RBFOX1: variants seen among roughly 807,000 people sequenced by gnomAD.
The protein encoded by RBFOX1 is RNA binding protein fox-1 homolog 1.
Under a neutral mutation model 57.7 loss-of-function variants are expected in RBFOX1, and 8 were observed. That is an observed-to-expected ratio of 0.14 (90% CI 0.08 to 0.25). The LOEUF (loss-of-function observed/expected upper bound fraction) is 0.25, where lower values mean the gene tolerates loss of function less well. Among genes scored for constraint, RBFOX1 ranks in the 10% least tolerant of loss-of-function variants. The pLI is 1.00. For missense variants in RBFOX1, 611 were observed against 548.5 expected (o/e 1.11, Z -1.14); for synonymous variants, 326 against 222.4 (o/e 1.47, Z -4.15).
At chr16:7,450,566 C>T (rs942936349) in intron 4 of RBFOX1, among the ~76,000 whole-genome samples, 1 of 152,090 alleles carries the variant, frequency 6.6e-6, no homozygotes, top group African/African-American at 2.4e-5. Context: ...AGGGATGCTG[C>T]GTGAGTGTCT....
chr16:6,124,598 G>A lies in RBFOX1; in HGVS notation c.-127+104606G>A, dbSNP rs142135924. Reference sequence around the variant, plus strand: ...GCTCATTTAAACCTCCACCTCCCAGGTTCAAGCAATCCTCCCACTTCAGCC... The same window carrying A: ...GCTCATTTAAACCTCCACCTCCCAGATTCAAGCAATCCTCCCACTTCAGCC... On this transcript the variant is annotated intron_variant, in intron 1 of 15. Transcript: ENST00000550418. 9.1e-4 allele frequency among the ~76,000 whole-genome samples: 138 copies of A among 152,088 alleles called. 2 individuals carry two copies. The East Asian group carries it at 0.023, about 25-fold the overall frequency.
At chr16:6,085,140 T>A (rs1244101127) in intron 1 of RBFOX1, among the ~76,000 whole-genome samples, 1 of 152,186 alleles carries the variant, frequency 6.6e-6, no homozygotes, top group East Asian at 1.9e-4. Flanking sequence ...TTTCTGCTAC[T>A]GTGCATGTTC....
At chr16:7,334,221 TC>T (rs1351177773) in intron 4 of RBFOX1, among the ~76,000 whole-genome samples, 4 of 152,086 alleles carry the variant, frequency 2.6e-5, no homozygotes, top group Admixed American at 6.5e-5. Context: ...AAACATTCTC[TC>T]TTTCTGGATT....
chr16:6,249,059 G>T (rs1274118468), intron 1 of RBFOX1, among the ~76,000 whole-genome samples: 1 of 152,130 alleles, frequency 6.6e-6, no homozygotes, highest in Non-Finnish European at 1.5e-5. Context: ...TATACATTTT[G>T]AGAATGCTGT....
chr16:6,611,183 G>T (rs141231449), intron 2 of RBFOX1, among the ~76,000 whole-genome samples: 26 of 152,186 alleles, frequency 1.7e-4, no homozygotes, highest in African/African-American at 6.3e-4. Context: ...AAGTCTCTCT[G>T]TCACCCAGGC....
rs4038155 is a variant in RBFOX1 at position 6,122,802 on chromosome 16, ATGTGTG to A, written c.-127+102834_-127+102839del. On this transcript the variant is annotated intron_variant, in intron 1 of 15. Transcript: ENST00000550418. ...ATGATCTGTGTGGCTATGTGTGTGT[ATGTGTG>A]TGTGTGTGTGTGTGTGTGTGTGTAT... 4.6e-4 allele frequency among the ~76,000 whole-genome samples: 68 copies of A among 147,830 alleles called. 1 individual carries two copies. The highest frequency in any genetic ancestry group is 1.4e-3 in the African/African-American group (57 of 39,706).
intron 4 of RBFOX1, among the ~76,000 whole-genome samples, chr16:7,168,957 C>A (rs1487992354): frequency 2.0e-5 from 3 of 152,274 alleles, no homozygotes; most frequent in Middle Eastern, 3.4e-3. Context: ...CTTGGATGAA[C>A]TCCATGGGGA....
intron 2 of RBFOX1, among the ~76,000 whole-genome samples, chr16:6,425,501 G>T (rs1042078685): frequency 5.3e-5 from 8 of 152,146 alleles, no homozygotes; most frequent in Non-Finnish European, 7.3e-5. Context: ...TTGTGTATAA[G>T]GGTCAGTCTT....
At chr16:6,388,045 T>A (rs1015010701) in intron 2 of RBFOX1, among the ~76,000 whole-genome samples, 4 of 142,130 alleles carry the variant, frequency 2.8e-5, no homozygotes, top group Non-Finnish European at 4.5e-5. Context: ...ACTGGAACGA[T>A]TTGAGCTCAC....
intron 6 of RBFOX1, among the ~76,000 whole-genome samples, chr16:7,582,030 C>G (rs116724132): frequency 6.9e-6 from 1 of 144,872 alleles, no homozygotes; most frequent in Non-Finnish European, 1.5e-5. Context: ...TCCAGCACCC[C>G]CCCCCCCCCT....
intron 2 of RBFOX1, among the ~76,000 whole-genome samples, chr16:5,523,522 A>T (rs1275602536): frequency 6.6e-6 from 1 of 152,060 alleles, no homozygotes; most frequent in Non-Finnish European, 1.5e-5. Context: ...AGGCTGAGGC[A>T]GGAGGATCAC....
intron 11 of RBFOX1, among the ~76,000 whole-genome samples, chr16:7,652,670 T>C (rs1302530334): frequency 1.3e-5 from 2 of 152,218 alleles, no homozygotes; most frequent in Non-Finnish European, 2.9e-5. Context: ...CCTCCCAAAG[T>C]GCTGGGATTA....
At chr16:6,564,242 G>C (rs957888321) in intron 2 of RBFOX1, among the ~76,000 whole-genome samples, 2 of 152,162 alleles carry the variant, frequency 1.3e-5, no homozygotes, top group Non-Finnish European at 2.9e-5. Flanking sequence ...AAACTCAAGA[G>C]CATCATGTAC....
At chr16:5,728,381 C>T (rs1303326163) in intron 3 of RBFOX1, among the ~76,000 whole-genome samples, 1 of 152,196 alleles carries the variant, frequency 6.6e-6, no homozygotes, top group African/African-American at 2.4e-5. Context: ...GCACGGACTC[C>T]TGTGTGCAAA....
intron 2 of RBFOX1, among the ~76,000 whole-genome samples, chr16:5,509,539 C>G (rs777867683): frequency 3.9e-5 from 6 of 152,248 alleles, no homozygotes; most frequent in Non-Finnish European, 8.8e-5. Context: ...GATGAAGTGG[C>G]TGGCGGCCCA....
chr16:5,407,188 C>G (rs1256965081), intron 1 of RBFOX1, among the ~76,000 whole-genome samples: 2 of 152,104 alleles, frequency 1.3e-5, no homozygotes, highest in Non-Finnish European at 2.9e-5. Flanking sequence ...ATAAAACCAT[C>G]AGATCTCTGA....
intron 3 of RBFOX1, among the ~76,000 whole-genome samples, chr16:5,763,266 C>T (rs781099148): frequency 6.6e-6 from 1 of 152,188 alleles, no homozygotes; most frequent in African/African-American, 2.4e-5. Context: ...TTGGTTTGGC[C>T]TGGACCCTCC....
chr16:6,051,066 C>G (rs1282523469), intron 1 of RBFOX1, among the ~76,000 whole-genome samples: 2 of 148,584 alleles, frequency 1.3e-5, no homozygotes, highest in African/African-American at 5.0e-5. Context: ...TCCATTTCCC[C>G]GAGGAGATCT....
chr16:6,984,907 C>T (rs1056206653), intron 3 of RBFOX1, among the ~76,000 whole-genome samples: 1 of 152,108 alleles, frequency 6.6e-6, no homozygotes, highest in Non-Finnish European at 1.5e-5. Context: ...TCCCAAAGTG[C>T]TAGGATTACA....
Sources: allele counts gnomAD v4.1 joint callset (sites outside exome capture counted in the v4.1 genomes callset), GRCh38; gene constraint gnomAD v4.1.1; transcripts MANE v1.5; gene names NCBI Gene and HGNC (gene_info 2026-07-23, HGNC 2026-07-21).